The following MEGF11 variants were observed in gnomAD, a reference collection of about 807,000 sequenced individuals.
MEGF11 encodes the protein multiple epidermal growth factor-like domains protein 11.
A neutral mutation model predicts 146.6 loss-of-function variants in MEGF11; 126 were observed. The ratio of observed to expected loss-of-function variants is 0.86; its 90% confidence interval spans 0.74 to 1.00. The LOEUF is 1.00. MEGF11 is among the 50% of genes least tolerant of loss of function. The pLI is 0.00. For synonymous variants in MEGF11, 532 were observed against 583.4 expected, an observed-to-expected ratio of 0.91 and a Z score of 1.27; for missense variants, 1,509 against 1,521.2, an observed-to-expected ratio of 0.99 and a Z score of 0.13.
chr15:66,060,082 C>T (rs2084839816), intron 5 of MEGF11, among the ~76,000 whole-genome samples: 1 of 151,244 alleles, frequency 6.6e-6, no homozygotes, highest in African/African-American at 2.4e-5. Flanking sequence ...GGATGGACAG[C>T]AGAGGGATGA....
At chr15:66,082,625 G>A (rs553904039) in intron 5 of MEGF11, among the ~76,000 whole-genome samples, 6 of 114,496 alleles carry the variant, frequency 5.2e-5, no homozygotes, top group African/African-American at 9.9e-5. Flanking sequence ...AGCCAAGATC[G>A]TGCCACTGTA....
intron 5 of MEGF11, among the ~76,000 whole-genome samples, chr15:66,089,874 A>G (rs1597072448): frequency 1.3e-5 from 2 of 152,210 alleles, no homozygotes; most frequent in African/African-American, 4.8e-5. Context: ...GTGCAATTTA[A>G]TAAGAGTCAC....
chr15:65,956,957 C>T (rs545962208), intron 10 of MEGF11, among the ~76,000 whole-genome samples: 15 of 152,296 alleles, frequency 9.8e-5, no homozygotes, highest in Middle Eastern at 6.8e-3. Flanking sequence ...ATGGCAACAT[C>T]CATCAAGAGC....
At chr15:65,950,162 A>G (rs1452830744) in intron 10 of MEGF11, among the ~76,000 whole-genome samples, 1 of 149,082 alleles carries the variant, frequency 6.7e-6, no homozygotes, top group Non-Finnish European at 1.5e-5. Context: ...ATCATCATCA[A>G]CAGCAATAAC....
At chr15:66,156,136 A>G (rs1341502714) in intron 1 of MEGF11, among the ~76,000 whole-genome samples, 1 of 152,116 alleles carries the variant, frequency 6.6e-6, no homozygotes, top group African/African-American at 2.4e-5. Flanking sequence ...CAAAGTCTCC[A>G]GGTTGGAAGG....
intron 5 of MEGF11, among the ~76,000 whole-genome samples, chr15:66,079,284 C>A (rs777540044): frequency 6.6e-6 from 1 of 152,196 alleles, no homozygotes; most frequent in Non-Finnish European, 1.5e-5. Flanking sequence ...GGTCTCCCCT[C>A]CTTTCCTGGT....
At chr15:66,084,530 C>T (rs1262542041) in intron 5 of MEGF11, among the ~76,000 whole-genome samples, 1 of 152,106 alleles carries the variant, frequency 6.6e-6, no homozygotes, top group African/African-American at 2.4e-5. Flanking sequence ...CTCTCCCGAA[C>T]ACACCCCCCC....
intron 10 of MEGF11, among the ~76,000 whole-genome samples, chr15:65,935,694 G>A (rs1303188026): frequency 6.6e-6 from 1 of 152,176 alleles, no homozygotes; most frequent in South Asian, 2.1e-4. Flanking sequence ...GCACAGCTCT[G>A]CCCTGAAGGA....
intron 4 of MEGF11, 75 bp downstream of exon 4, chr15:66,119,011 C>T (rs1307171468): frequency 1.8e-5 from 17 of 945,326 alleles, no homozygotes; most frequent in Non-Finnish European, 2.8e-5. Flanking sequence ...ATCAGCCCCA[C>T]CTCCCCTCCC....
chr15:66,012,607 T>C (rs548021175), intron 5 of MEGF11, among the ~76,000 whole-genome samples: 2 of 152,384 alleles, frequency 1.3e-5, no homozygotes, highest in South Asian at 2.1e-4. Flanking sequence ...TTAGGTTCCA[T>C]TGATTGGGCC....
chr15:66,244,210 C>T (rs1414465622), intron 1 of MEGF11, among the ~76,000 whole-genome samples: 1 of 152,170 alleles, frequency 6.6e-6, no homozygotes, highest in African/African-American at 2.4e-5. Context: ...GTAAACATCG[C>T]CCACTCCTCC....
At chr15:65,934,872 GTCTTGCACTCTGCATCTTTTCATCC>G (rs2079711898) in intron 10 of MEGF11, among the ~76,000 whole-genome samples, 2 of 152,168 alleles carry the variant, frequency 1.3e-5, no homozygotes, top group East Asian at 3.9e-4. Context: ...CTTCCCACAT[GTCTTGCACTCTGCATCTTTTCATCC>G]ATATCCTTTG....
intron 1 of MEGF11, among the ~76,000 whole-genome samples, chr15:66,246,825 A>G (rs971753010): frequency 3.3e-5 from 5 of 152,044 alleles, no homozygotes; most frequent in African/African-American, 1.2e-4. Context: ...ACTAATAATA[A>G]TAATAATATC....
chr15:66,234,549 G>A (rs2092048137), intron 1 of MEGF11, among the ~76,000 whole-genome samples: 1 of 152,206 alleles, frequency 6.6e-6, no homozygotes, highest in South Asian at 2.1e-4. Flanking sequence ...GGACCACCTG[G>A]TTTACTCCTA....
chr15:66,122,848 G>A (rs1186927897), intron 3 of MEGF11, among the ~76,000 whole-genome samples: 6 of 151,928 alleles, frequency 3.9e-5, no homozygotes, highest in Non-Finnish European at 8.8e-5. Context: ...GCATGATCTC[G>A]GCTCACTGCA....
intron 1 of MEGF11, among the ~76,000 whole-genome samples, chr15:66,175,492 G>A (rs1320086781): frequency 6.6e-6 from 1 of 152,114 alleles, no homozygotes; most frequent in East Asian, 1.9e-4. Flanking sequence ...AATAAAACAG[G>A]TTAGAGAACC....
At chr15:66,164,321 T>C (rs1350223094) in intron 1 of MEGF11, among the ~76,000 whole-genome samples, 1 of 152,196 alleles carries the variant, frequency 6.6e-6, no homozygotes, top group Non-Finnish European at 1.5e-5. Context: ...CTCATCACTG[T>C]GCCAATGGAG....
chr15:66,223,897 C>T (rs2091790181), intron 1 of MEGF11, among the ~76,000 whole-genome samples: 1 of 152,182 alleles, frequency 6.6e-6, no homozygotes, highest in African/African-American at 2.4e-5. Context: ...GCCCGAACTC[C>T]TGTACGTCCC....
chr15:66,026,497 T>G (rs1567207827), intron 5 of MEGF11, among the ~76,000 whole-genome samples: 1 of 152,206 alleles, frequency 6.6e-6, no homozygotes, highest in Non-Finnish European at 1.5e-5. Flanking sequence ...ATTATTATTA[T>G]TTTTTGAGAC....
Sources: gnomAD v4.1 joint callset for allele counts (sites outside exome capture counted in the v4.1 genomes callset) on GRCh38, gnomAD v4.1.1 for gene constraint, MANE v1.5 for transcripts, NCBI Gene and HGNC (gene_info 2026-07-23, HGNC 2026-07-21) for gene names.